The following SCLT1 variants were observed in gnomAD, a reference collection of about 807,000 sequenced individuals.
SCLT1 encodes the protein sodium channel and clathrin linker 1, also known as sodium channel-associated protein 1.
Under a neutral mutation model 112.8 loss-of-function variants are expected in SCLT1, and 78 were observed. The ratio of observed to expected loss-of-function variants is 0.69; its 90% CI spans 0.58 to 0.83. The LOEUF (loss-of-function observed/expected upper bound fraction) is 0.83, where lower values mean the gene tolerates loss of function less well. SCLT1 is among the 40% of genes least tolerant of loss of function. The probability of loss-of-function intolerance (pLI) is 0.00; values close to 1 mark genes in which losing one functional copy is unlikely to be tolerated. For missense variants in SCLT1, 747 were observed against 770.4 expected, an observed-to-expected ratio of 0.97 and a Z score of 0.36; for synonymous variants, 257 against 254.7, an observed-to-expected ratio of 1.01 and a Z score of -0.09.
chr4:128,993,226 A>G (rs1311867921), intron 8 of SCLT1, among the ~76,000 whole-genome samples: 1 of 151,998 alleles, frequency 6.6e-6, no homozygotes, highest in South Asian at 2.1e-4. Flanking sequence ...TACTTTGATA[A>G]AACTTAATAC....
intron 18 of SCLT1, among the ~76,000 whole-genome samples, chr4:128,896,707 CAGA>C (rs1254269394): frequency 6.6e-6 from 1 of 152,104 alleles, no homozygotes; most frequent in African/African-American, 2.4e-5. Context: ...AAGAAGGCTT[CAGA>C]CGATCAAACT....
At position 129,048,474 on chromosome 4, in the gene SCLT1, T is replaced by G. The variant is rs12512861; in HGVS notation, c.103-4423A>C. On this transcript the variant is annotated intron_variant, in intron 2 of 20. Coordinates refer to ENST00000281142, the MANE Select transcript of SCLT1 (RefSeq NM_144643.4). Reference sequence around the variant, plus strand: ...CCTTCCTTACACCTTATACAAAAATTAACTCAAGATGGATTAAAGACTTAA... The same window carrying G: ...CCTTCCTTACACCTTATACAAAAATGAACTCAAGATGGATTAAAGACTTAA... Among the ~76,000 whole-genome samples the G allele has an allele frequency of 1.4e-5, 2 of 140,394 alleles. 1 individual carries two copies. Among genetic ancestry groups the G allele is most frequent in the Non-Finnish European group, 3.2e-5 (2 of 62,554 alleles). 92.1% of individuals were successfully genotyped at this position (140,394 alleles called of 152,430 possible).
chr4:129,013,720 C>A (rs528541983), intron 5 of SCLT1, among the ~76,000 whole-genome samples: 7 of 152,112 alleles, frequency 4.6e-5, no homozygotes, highest in Admixed American at 2.0e-4. Flanking sequence ...TCATCTTTCT[C>A]TCTAAGATGT....
intron 9 of SCLT1, among the ~76,000 whole-genome samples, chr4:128,991,536 C>T (rs1742568959): frequency 6.6e-6 from 1 of 151,478 alleles, no homozygotes; most frequent in Non-Finnish European, 1.5e-5. Context: ...ATAAAAAAAC[C>T]CACAGAATGG....
In SCLT1 at chr4:129,000,955, A is replaced by T. The variant is rs557662264; in HGVS notation, c.427-1161T>A. 2.6e-4 allele frequency among the ~76,000 whole-genome samples: 39 copies of T among 151,978 alleles called. 1 individual carries two copies. The East Asian group carries it at 7.2e-3, about 28-fold the overall frequency. On this transcript the variant is annotated intron_variant, in intron 6 of 20. Coordinates refer to ENST00000281142, the MANE Select transcript of SCLT1 (RefSeq NM_144643.4). Reference sequence around the variant, plus strand: ...TTAGTTTTGTCTAAAACTTAAAAAAAAAAACAAAAACTGTAGGCTAATTAA... The same window carrying T: ...TTAGTTTTGTCTAAAACTTAAAAAATAAAACAAAAACTGTAGGCTAATTAA...
chr4:129,024,315 A>T (rs1405761880), intron 5 of SCLT1, among the ~76,000 whole-genome samples: 2 of 152,196 alleles, frequency 1.3e-5, no homozygotes, highest in African/African-American at 2.4e-5. Flanking sequence ...GGGCAGACTG[A>T]CACCTCACAT....
Position 129,013,113 on chromosome 4 carries a change from T to C in SCLT1, c.291-9237A>G, listed in dbSNP as rs146707924. 8.0e-3 allele frequency among the ~76,000 whole-genome samples: 1,212 copies of C among 152,282 alleles called. 15 individuals carry two copies. Among genetic ancestry groups the C allele is most frequent in the African/African-American group, 0.028 (1,162 of 41,556 alleles). On this transcript the variant is annotated intron_variant, in intron 5 of 20. Coordinates refer to ENST00000281142, the MANE Select transcript of SCLT1 (RefSeq NM_144643.4). ...AGGTATTAAGCCCAGTATCCAGTAGTTATCTTTTCTGCTCCTCTCCCTCCT... is the reference window on the plus strand; with the variant it reads ...AGGTATTAAGCCCAGTATCCAGTAGCTATCTTTTCTGCTCCTCTCCCTCCT...
At chr4:129,004,369 C>T (rs1343504047) in intron 5 of SCLT1, among the ~76,000 whole-genome samples, 1 of 151,944 alleles carries the variant, frequency 6.6e-6, no homozygotes, top group African/African-American at 2.4e-5. Context: ...TGGTCGCTGG[C>T]TATAAAACCA....
intron 1 of SCLT1, among the ~76,000 whole-genome samples, chr4:129,086,832 G>A (rs1025768952): frequency 6.6e-6 from 1 of 152,146 alleles, no homozygotes; most frequent in Non-Finnish European, 1.5e-5. Flanking sequence ...TATAGTAGGA[G>A]TAAGATACTT....
intron 18 of SCLT1, among the ~76,000 whole-genome samples, chr4:128,902,109 T>C (rs1734361926): frequency 6.6e-6 from 1 of 152,054 alleles, no homozygotes; most frequent in South Asian, 2.1e-4. Context: ...CTCATTATGT[T>C]GTCCAGGTTG....
intron 18 of SCLT1, among the ~76,000 whole-genome samples, chr4:128,896,289 G>A (rs1027241591): frequency 1.3e-5 from 2 of 152,194 alleles, no homozygotes; most frequent in African/African-American, 4.8e-5. Context: ...GTACCCCCCA[G>A]TACCGGGTAC....
chr4:128,960,937 A>C lies in SCLT1; in HGVS notation c.870-1160T>G, dbSNP rs564302988. Among the ~76,000 whole-genome samples the C allele has an allele frequency of 2.3e-3, 337 of 149,762 alleles. 2 individuals are homozygous for C. Among genetic ancestry groups the C allele is most frequent in the Middle Eastern group, 7.1e-3 (2 of 280 alleles). On this transcript the variant is annotated intron_variant, in intron 11 of 20. Coordinates refer to ENST00000281142, the MANE Select transcript of SCLT1 (RefSeq NM_144643.4). ...GCGAGACTCCGTCTCAAAAAAAAAAAAAAAAAAAAAAGAACTCTAAATTAT... is the reference window on the plus strand; with the variant it reads ...GCGAGACTCCGTCTCAAAAAAAAAACAAAAAAAAAAAGAACTCTAAATTAT...
intron 5 of SCLT1, among the ~76,000 whole-genome samples, chr4:129,009,519 G>GA (rs75119229): frequency 0.047 from 4,390 of 92,902 alleles, 181 homozygotes; most frequent in African/African-American, 0.14. Context: ...GTCTCAAAAA[G>GA]AAAAAAAAAA....
intron 1 of SCLT1, among the ~76,000 whole-genome samples, chr4:129,083,186 G>GAAAAAAAAAAAAAAAA (rs10651058): frequency 3.5e-5 from 3 of 84,508 alleles, no homozygotes; most frequent in East Asian, 3.4e-4. Context: ...GTGAGACTCT[G>GAAAAAAAAAAAAAAAA]AAAAAAAAAA....
intron 10 of SCLT1, among the ~76,000 whole-genome samples, chr4:128,969,532 A>G (rs1740500392): frequency 6.6e-6 from 1 of 152,154 alleles, no homozygotes; most frequent in Admixed American, 6.5e-5. Flanking sequence ...AGATCAAGCC[A>G]CTGCACTCCA....
rs145857546 is a variant in SCLT1 at position 128,915,116 on chromosome 4, C to T, written c.1829+21539G>A. On this transcript the variant is annotated intron_variant, in intron 18 of 20. Coordinates refer to ENST00000281142, the MANE Select transcript of SCLT1 (RefSeq NM_144643.4). Reference sequence around the variant, plus strand: ...CTGTAAACATTTAAAGAATCATTATCAAGTGCCCAACACTATACTATAGAC... The same window carrying T: ...CTGTAAACATTTAAAGAATCATTATTAAGTGCCCAACACTATACTATAGAC... Among the ~76,000 whole-genome samples the T allele has an allele frequency of 8.5e-5, 13 of 152,274 alleles. No individual in the cohort carries two copies. In the East Asian group the frequency reaches 2.5e-3, roughly 29 times the overall value.
chr4:128,915,534 T>G (rs1735407241), intron 18 of SCLT1, among the ~76,000 whole-genome samples: 1 of 152,308 alleles, frequency 6.6e-6, no homozygotes, highest in South Asian at 2.1e-4. Context: ...TATACAGCAG[T>G]GGTACAATTA....
chr4:128,907,316 A>G (rs1734767234), intron 18 of SCLT1, among the ~76,000 whole-genome samples: 1 of 152,250 alleles, frequency 6.6e-6, no homozygotes, highest in Non-Finnish European at 1.5e-5. Flanking sequence ...ATATTAATCC[A>G]TAGTCAAATT....
chr4:129,065,300 C>T (rs1750378380), intron 2 of SCLT1, among the ~76,000 whole-genome samples: 1 of 151,294 alleles, frequency 6.6e-6, no homozygotes, highest in Non-Finnish European at 1.5e-5. Flanking sequence ...GTAACTTTTT[C>T]TATCCTTTTC....
Sources: gnomAD v4.1 joint callset for allele counts (sites outside exome capture counted in the v4.1 genomes callset) on GRCh38, gnomAD v4.1.1 for gene constraint, MANE v1.5 for transcripts, NCBI Gene and HGNC (gene_info 2026-07-23, HGNC 2026-07-21) for gene names.